CHCHD3: variants seen among roughly 807,000 people sequenced by gnomAD.
The protein encoded by CHCHD3 is MICOS complex subunit MIC19.
A neutral mutation model predicts 38.2 loss-of-function variants in CHCHD3; 20 were observed. That is an observed-to-expected ratio of 0.52 (90% CI 0.37 to 0.76). The LOEUF is 0.76. CHCHD3 is among the 30% of genes least tolerant of loss of function. The pLI is 0.00. For missense variants in CHCHD3, 245 were observed against 279.2 expected (o/e 0.88, Z 0.87); for synonymous variants, 82 against 100.0 (o/e 0.82, Z 1.07).
chr7:132,994,593 T>C (rs1273534600), intron 3 of CHCHD3, among the ~76,000 whole-genome samples: 2 of 152,222 alleles, frequency 1.3e-5, no homozygotes, highest in African/African-American at 4.8e-5. Context: ...ACTAATTTTA[T>C]TCTGAAAAAC....
intron 4 of CHCHD3, among the ~76,000 whole-genome samples, chr7:132,926,109 A>T (rs1286497696): frequency 6.6e-6 from 1 of 152,236 alleles, no homozygotes; most frequent in Non-Finnish European, 1.5e-5. Context: ...TTGCATAGGA[A>T]TCAGATACAC....
Position 132,885,753 on chromosome 7 carries a change from A to T in CHCHD3, c.370-8T>A. The T allele has an allele frequency of 6.2e-7, 1 of 1,602,952 alleles. No individual in the cohort carries two copies. On this transcript the variant is annotated splice_polypyrimidine_tract_variant and splice_region_variant and intron_variant, in intron 4 of 7. Transcript: ENST00000262570. ...CTCTTCCAGCTGCCTAGCCTAAAAAAAGAAATGAGGAATATACTATATCAA... is the reference window on the plus strand; with the variant it reads ...CTCTTCCAGCTGCCTAGCCTAAAAATAGAAATGAGGAATATACTATATCAA...
chr7:132,931,915 G>C (rs1181559101), intron 4 of CHCHD3, among the ~76,000 whole-genome samples: 2 of 152,094 alleles, frequency 1.3e-5, no homozygotes, highest in African/African-American at 4.8e-5. Flanking sequence ...ATATAATGCA[G>C]CTTTACACTG....
At chr7:132,952,387 CTT>C (rs775976684) in intron 4 of CHCHD3, among the ~76,000 whole-genome samples, 5 of 152,194 alleles carry the variant, frequency 3.3e-5, no homozygotes, top group Non-Finnish European at 7.3e-5. Context: ...CTGCACAGCT[CTT>C]TCTTTTCCAC....
intron 6 of CHCHD3, 43 bp downstream of exon 6, chr7:132,838,355 CT>C: frequency 1.5e-6 from 2 of 1,316,680 alleles, no homozygotes; most frequent in Non-Finnish European, 2.2e-6. Context: ...GTGCTTTCAT[CT>C]TGTTAAGAAT....
chr7:132,899,351 C>A (rs1262246239), intron 4 of CHCHD3, among the ~76,000 whole-genome samples: 2 of 152,166 alleles, frequency 1.3e-5, no homozygotes, highest in Non-Finnish European at 2.9e-5. Context: ...TGATGGGGAG[C>A]CCCAGAGCGC....
At chr7:133,059,946 A>T (rs7782905) in intron 2 of CHCHD3, among the ~76,000 whole-genome samples, 147,209 of 152,316 alleles carry the variant, frequency 0.97, 71,348 homozygotes, top group Middle Eastern at 1. Flanking sequence ...AAGCGAACAT[A>T]CACTTCTTTC....
At chr7:132,960,443 T>C (rs1388360360) in intron 4 of CHCHD3, among the ~76,000 whole-genome samples, 2 of 152,102 alleles carry the variant, frequency 1.3e-5, no homozygotes, top group East Asian at 1.9e-4. Flanking sequence ...GCCTCCAGGG[T>C]TGAAACTGAG....
At chr7:132,802,182 C>T (rs2117037749) in intron 6 of CHCHD3, among the ~76,000 whole-genome samples, 1 of 152,070 alleles carries the variant, frequency 6.6e-6, no homozygotes, top group East Asian at 1.9e-4. Flanking sequence ...AATATTGGGT[C>T]CTTGGAAATG....
intron 4 of CHCHD3, among the ~76,000 whole-genome samples, chr7:132,924,738 T>C (rs1810336678): frequency 1.3e-5 from 2 of 152,310 alleles, no homozygotes; most frequent in South Asian, 2.1e-4. Flanking sequence ...ACAAATATAT[T>C]CCTTTAAGAT....
chr7:132,791,818 T>G (rs986011265), intron 7 of CHCHD3, among the ~76,000 whole-genome samples: 2 of 152,176 alleles, frequency 1.3e-5, no homozygotes, highest in Non-Finnish European at 2.9e-5. Flanking sequence ...AGCCTTAAGT[T>G]GGAGAGCTGT....
chr7:132,934,004 G>A (rs1810577237), intron 4 of CHCHD3, among the ~76,000 whole-genome samples: 1 of 152,152 alleles, frequency 6.6e-6, no homozygotes, highest in Non-Finnish European at 1.5e-5. Context: ...AATAAAGCTG[G>A]GGCACCTGAT....
intron 5 of CHCHD3, among the ~76,000 whole-genome samples, chr7:132,867,824 A>G (rs967200113): frequency 2.0e-5 from 3 of 152,206 alleles, no homozygotes; most frequent in Non-Finnish European, 1.5e-5. Flanking sequence ...TTTTCTCTGG[A>G]TAATGAGGGG....
rs538230701 is a variant in CHCHD3, at chr7:133,059,367, A to G, written c.169+10775T>C. On this transcript the variant is annotated intron_variant, in intron 2 of 7. Coordinates refer to ENST00000262570, the MANE Select transcript of CHCHD3 (RefSeq NM_017812.4). ...CCTCACCTAAAACTCCTAGCCTAAA[A>G]TTCCAGGGGACAAAGGTACTAATGT... 3.3e-5 allele frequency among the ~76,000 whole-genome samples: 5 copies of G among 152,264 alleles called. No homozygotes were observed. The South Asian group carries it at 1.0e-3, about 32-fold the overall frequency.
chr7:133,008,600 T>C (rs1812770737), intron 3 of CHCHD3, among the ~76,000 whole-genome samples: 1 of 152,138 alleles, frequency 6.6e-6, no homozygotes, highest in African/African-American at 2.4e-5. Flanking sequence ...TATATAACAT[T>C]AGCCATATGA....
At chr7:132,963,951 T>C (rs1811395091) in intron 4 of CHCHD3, among the ~76,000 whole-genome samples, 1 of 152,240 alleles carries the variant, frequency 6.6e-6, no homozygotes, top group South Asian at 2.1e-4. Flanking sequence ...CAATTTTTTG[T>C]TTCCTTTTTT....
At chr7:133,014,766 T>C (rs1812981713) in intron 3 of CHCHD3, among the ~76,000 whole-genome samples, 1 of 152,132 alleles carries the variant, frequency 6.6e-6, no homozygotes, top group Non-Finnish European at 1.5e-5. Flanking sequence ...ACTTCTTTAT[T>C]GCTTCCTAAC....
intron 5 of CHCHD3, among the ~76,000 whole-genome samples, chr7:132,866,775 A>G (rs1808636248): frequency 6.6e-6 from 1 of 152,222 alleles, no homozygotes; most frequent in Non-Finnish European, 1.5e-5. Flanking sequence ...ACTTGGCAAG[A>G]CAGATACTAT....
Position 132,969,152 on chromosome 7 carries a change from T to C in CHCHD3, c.369+6017A>G, listed in dbSNP as rs534382214. On this transcript the variant is annotated intron_variant, in intron 4 of 7. Coordinates refer to ENST00000262570, the MANE Select transcript of CHCHD3 (RefSeq NM_017812.4). The stretch of plus-strand genomic sequence containing the variant: ...TGCATTCACCCATCCTTTTTTTTTT[T>C]ACTGTGTTTTTTTTTTTTCTAAACA... 7.3e-3 allele frequency among the ~76,000 whole-genome samples: 1,060 copies of C among 144,362 alleles called. 11 individuals are homozygous for C. Among genetic ancestry groups the C allele is most frequent in the African/African-American group, 0.026 (987 of 38,570 alleles). The allele number at this position is 144,362 out of a possible 152,430, so 94.7% of individuals were successfully genotyped here.
Sources: allele counts gnomAD v4.1 joint callset (sites outside exome capture counted in the v4.1 genomes callset), GRCh38; gene constraint gnomAD v4.1.1; transcripts MANE v1.5; gene names NCBI Gene and HGNC (gene_info 2026-07-23, HGNC 2026-07-21).